PCDHGB4: variants seen among roughly 807,000 people sequenced by gnomAD.
PCDHGB4 encodes the protein protocadherin gamma-B4.
Under a neutral mutation model 60.5 loss-of-function variants are expected in PCDHGB4, and 38 were observed. The ratio of observed to expected loss-of-function variants is 0.63; its 90% CI spans 0.48 to 0.82. PCDHGB4 has a LOEUF of 0.82. Among genes scored for constraint, PCDHGB4 ranks in the 40% least tolerant of loss-of-function variants. The probability of loss-of-function intolerance (pLI) is 0.00; values close to 1 mark genes in which losing one functional copy is unlikely to be tolerated. For synonymous variants in PCDHGB4, 456 were observed against 509.7 expected, an observed-to-expected ratio of 0.89 and a Z score of 1.42; for missense variants, 1,109 against 1,209.6, an observed-to-expected ratio of 0.92 and a Z score of 1.23.
Position 141,485,267 on chromosome 5 carries a change from C to T in PCDHGB4, c.2398-9540C>T, listed in dbSNP as rs767229426. On this transcript the variant is annotated intron_variant, in intron 1 of 3. Transcript: ENST00000519479. This position sits in a 1 kb window ranked among gnomAD's most constrained non-coding sequence, Gnocchi z 5.7. ...CCTGGGTTACGTTTGTGGGCAGATC[C>T]GCTACCCGGTCCCAGAGGAGTCACA... is the stretch of plus-strand genomic sequence containing the variant. 6.2e-7 allele frequency: 1 copy of T among 1,614,088 alleles called. No homozygotes were observed. Among genetic ancestry groups the T allele is most frequent in the South Asian group, 1.1e-5 (1 of 91,082 alleles).
In PCDHGB4 at chr5:141,491,759, G is replaced by A; in HGVS notation, c.2398-3048G>A. On this transcript the variant is annotated intron_variant, in intron 1 of 3. Coordinates refer to ENST00000519479, the MANE Select transcript of PCDHGB4 (RefSeq NM_003736.4). The surrounding 1 kb of genome is among the most constrained non-coding windows in gnomAD (Gnocchi z 6.9). ...GGGGGCGGCACTGGAGAAGCCGCCC[G>A]TCCTCATAAGGGATTGAACTTGCAT... 2 of 1,575,392 alleles carry A rather than the reference G, an allele frequency of 1.3e-6. No homozygotes were observed. The highest frequency in any genetic ancestry group is 1.9e-5 in the Admixed American group (1 of 52,640).
At chr5:141,508,408 C>T (rs938019804) in intron 3 of PCDHGB4, 1 of 152,180 alleles carries the variant, frequency 6.6e-6, no homozygotes, top group Non-Finnish European at 1.5e-5. Context: ...GCTTGAGCCA[C>T]GCAGAGACTT....
At chr5:141,418,479 C>G (rs375821205) in intron 1 of PCDHGB4, 3 of 1,614,010 alleles carry the variant, frequency 1.9e-6, no homozygotes, top group Non-Finnish European at 1.7e-6. Context: ...ACGCAGAGCG[C>G]TCACCACTTG....
chr5:141,420,080 C>G, intron 1 of PCDHGB4: 2 of 1,614,010 alleles, frequency 1.2e-6, no homozygotes, highest in African/African-American at 1.3e-5. Flanking sequence ...TGTGGGTCCC[C>G]CCAACTACAG....
At chr5:141,408,373 T>C in intron 1 of PCDHGB4, 1 of 1,613,952 alleles carries the variant, frequency 6.2e-7, no homozygotes, top group Non-Finnish European at 8.5e-7. Flanking sequence ...TAGGGCTCAG[T>C]GTCCTGGATG....
At chr5:141,475,987 C>A in intron 1 of PCDHGB4, 2 of 1,101,540 alleles carry the variant, frequency 1.8e-6, no homozygotes, top group Non-Finnish European at 2.6e-6. Flanking sequence ...AGCCGGCGAG[C>A]AAATCAACGG....
chr5:141,389,075 A>T lies in PCDHGB4; in HGVS notation c.1191A>T (p.Arg397Ser). 6.2e-7 allele frequency: 1 copy of T among 1,614,066 alleles called. No individual in the cohort carries two copies. The highest frequency in any genetic ancestry group is 8.5e-7 in the Non-Finnish European group (1 of 1,179,894). ...CATTTAAAATATTAACTTCTTCAAG[A>T]AACACGTATAAATTAGTGACAGATG... ...DVPFKILTSS[R>S]NTYKLVTDAV... The change falls in exon 1 of 4, where the codon AGA becomes AGT. Residue 397 changes from arginine to serine, a missense_variant. Transcript: ENST00000519479.
In PCDHGB4 at chr5:141,491,638, G is replaced by A. The variant is rs2099723160; in HGVS notation, c.2398-3169G>A. The A allele has an allele frequency of 6.2e-7, 1 of 1,613,898 alleles. No individual in the cohort carries two copies. The highest frequency in any genetic ancestry group is 1.3e-5 in the African/African-American group (1 of 75,074). ...ACCCCTCAGCGTTCAGCAGCCCACA[G>A]CTCTGGCGCTGGAGCCTGACGCCAT... On this transcript the variant is annotated intron_variant, in intron 1 of 3. Coordinates refer to ENST00000519479, the MANE Select transcript of PCDHGB4 (RefSeq NM_003736.4). The surrounding 1 kb of genome is among the most constrained non-coding windows in gnomAD (Gnocchi z 6.9).
At chr5:141,394,798 T>C (rs770334197) in intron 1 of PCDHGB4, 1 of 1,613,818 alleles carries the variant, frequency 6.2e-7, no homozygotes, top group Non-Finnish European at 8.5e-7. Flanking sequence ...ACGCTCACCG[T>C]AGCCGTGGCT....
chr5:141,413,218 A>G, intron 1 of PCDHGB4: 1 of 1,613,610 alleles, frequency 6.2e-7, no homozygotes. Flanking sequence ...AAAGGATTGC[A>G]GCGGGCTGGT....
rs376452870 is a variant in PCDHGB4 at position 141,423,273 on chromosome 5, G to A, written c.2397+32992G>A. 34 of 1,613,778 alleles carry A rather than the reference G, an allele frequency of 2.1e-5. No homozygotes were observed. In the African/African-American group the frequency reaches 4.4e-4, roughly 21 times the overall value. Reference sequence around the variant, plus strand: ...CGGACCTCGGCAGCCTCGAGTCTCTGGCTAACTCTGAAACCTCAGACCTCT... The same window carrying A: ...CGGACCTCGGCAGCCTCGAGTCTCTAGCTAACTCTGAAACCTCAGACCTCT... On this transcript the variant is annotated intron_variant, in intron 1 of 3. Coordinates refer to ENST00000519479, the MANE Select transcript of PCDHGB4 (RefSeq NM_003736.4).
At chr5:141,467,596 C>G (rs2099147035) in intron 1 of PCDHGB4, among the ~76,000 whole-genome samples, 1 of 152,202 alleles carries the variant, frequency 6.6e-6, no homozygotes, top group South Asian at 2.1e-4. Context: ...ATTTATTAAG[C>G]ACTTCATCTT....
intron 1 of PCDHGB4, among the ~76,000 whole-genome samples, chr5:141,474,234 T>C (rs1458919904): frequency 6.6e-6 from 1 of 152,204 alleles, no homozygotes; most frequent in Non-Finnish European, 1.5e-5. Flanking sequence ...TAAGTGATGC[T>C]GAATAGGGGA....
chr5:141,408,377 C>T (rs1322642798), intron 1 of PCDHGB4: 4 of 1,613,902 alleles, frequency 2.5e-6, no homozygotes, highest in Non-Finnish European at 3.4e-6. Context: ...GCTCAGTGTC[C>T]TGGATGTGTC....
At chr5:141,464,279 C>CAA (rs373828487) in intron 1 of PCDHGB4, among the ~76,000 whole-genome samples, 8,568 of 137,664 alleles carry the variant, frequency 0.062, 499 homozygotes, top group African/African-American at 0.16. Context: ...AAAAAAAAAG[C>CAA]AAAAAAAAAA....
Position 141,431,248 on chromosome 5 carries a change from G to A in PCDHGB4, c.2397+40967G>A. ...CCCACGCCTGGGATCCGGATATCGGGAAGAACTCTCTGCAGAGCTACGAGC... is the reference window on the plus strand; with the variant it reads ...CCCACGCCTGGGATCCGGATATCGGAAAGAACTCTCTGCAGAGCTACGAGC... On this transcript the variant is annotated intron_variant, in intron 1 of 3. Transcript: ENST00000519479. This position sits in a 1 kb window ranked among gnomAD's most constrained non-coding sequence, Gnocchi z 4.8. 2 of 1,614,140 alleles carry A rather than the reference G, an allele frequency of 1.2e-6. No homozygotes were observed. Among genetic ancestry groups the A allele is most frequent in the Non-Finnish European group, 1.7e-6 (2 of 1,180,048 alleles).
chr5:141,410,540 G>C (rs1301173391), intron 1 of PCDHGB4: 1 of 1,613,702 alleles, frequency 6.2e-7, no homozygotes. Context: ...TGAAGACATG[G>C]TTTGCAGTGT....
At chr5:141,399,870 C>CT (rs770811342) in intron 1 of PCDHGB4, 103 of 1,612,856 alleles carry the variant, frequency 6.4e-5, no homozygotes, top group Middle Eastern at 5.4e-4. Context: ...CAGAGCCCGG[C>CT]TACCTGGTGA....
At chr5:141,426,919 C>A (rs1220443930) in intron 1 of PCDHGB4, 3 of 456,620 alleles carry the variant, frequency 6.6e-6, no homozygotes, top group African/African-American at 6.0e-5. Context: ...GTCCTGGAAG[C>A]AATGGACATG....
Sources: allele counts gnomAD v4.1 joint callset (sites outside exome capture counted in the v4.1 genomes callset), GRCh38; gene constraint gnomAD v4.1.1; non-coding constraint Gnocchi (gnomAD v3.1); transcripts MANE v1.5; gene names NCBI Gene and HGNC (gene_info 2026-07-23, HGNC 2026-07-21).